SUCLG2: variants seen among roughly 807,000 people sequenced by gnomAD.
The protein encoded by SUCLG2 is succinate--CoA ligase [GDP-forming] subunit beta, mitochondrial.
In SUCLG2, 42 loss-of-function variants were observed where a neutral mutation model predicts 47.9. The observed-to-expected ratio is 0.88, with a 90% CI of 0.69 to 1.14. SUCLG2 has a LOEUF of 1.14. Ranked by LOEUF, SUCLG2 falls within the 50% of genes most tolerant of loss-of-function variation. The pLI, the probability that SUCLG2 is intolerant of heterozygous loss-of-function variation, is 0.00. For synonymous variants in SUCLG2, 195 were observed against 197.3 expected, an observed-to-expected ratio of 0.99 and a Z score of 0.10; for missense variants, 571 against 525.9, an observed-to-expected ratio of 1.09 and a Z score of -0.84.
chr3:67,616,619 A>G (rs897888772), intron 1 of SUCLG2, among the ~76,000 whole-genome samples: 2 of 152,212 alleles, frequency 1.3e-5, no homozygotes, highest in African/African-American at 4.8e-5. Context: ...AATCTACTTA[A>G]AAGCAACATT....
chr3:67,550,884 A>G (rs1382713444), intron 2 of SUCLG2, among the ~76,000 whole-genome samples: 1 of 148,898 alleles, frequency 6.7e-6, no homozygotes, highest in Non-Finnish European at 1.5e-5. Context: ...TTTAAGAGTT[A>G]CTATGAGTAT....
intron 2 of SUCLG2, among the ~76,000 whole-genome samples, chr3:67,558,813 A>G (rs1377131519): frequency 2.0e-5 from 3 of 152,202 alleles, no homozygotes; most frequent in Non-Finnish European, 4.4e-5. Context: ...CTGGAAACTC[A>G]GGCTGGTTTG....
chr3:67,473,280 G>T (rs984828395), intron 9 of SUCLG2, among the ~76,000 whole-genome samples: 3 of 152,152 alleles, frequency 2.0e-5, no homozygotes, highest in South Asian at 2.1e-4. Context: ...CCCGGACTAA[G>T]GTGTTTCTCC....
chr3:67,442,180 T>A (rs1703782924), intron 9 of SUCLG2, among the ~76,000 whole-genome samples: 1 of 150,562 alleles, frequency 6.6e-6, no homozygotes, highest in African/African-American at 2.4e-5. Flanking sequence ...CCGGCTAATT[T>A]TTTGTATTTT....
At chr3:67,522,142 C>T (rs1256430354) in intron 4 of SUCLG2, among the ~76,000 whole-genome samples, 2 of 151,888 alleles carry the variant, frequency 1.3e-5, no homozygotes, top group Non-Finnish European at 1.5e-5. Context: ...GCAGCCTTGA[C>T]CTCCCAGGTT....
chr3:67,381,159 A>G (rs1405512670), intron 10 of SUCLG2, among the ~76,000 whole-genome samples: 2 of 151,978 alleles, frequency 1.3e-5, no homozygotes, highest in Non-Finnish European at 2.9e-5. Context: ...CCTGGGCAAC[A>G]GAGTGAGACC....
intron 2 of SUCLG2, among the ~76,000 whole-genome samples, chr3:67,564,363 T>G (rs1707397125): frequency 6.6e-6 from 1 of 150,918 alleles, no homozygotes; most frequent in Non-Finnish European, 1.5e-5. Context: ...ACCTCACACT[T>G]TACCTTGACT....
At chr3:67,477,299 G>A (rs569374199) in intron 9 of SUCLG2, among the ~76,000 whole-genome samples, 6 of 152,060 alleles carry the variant, frequency 3.9e-5, no homozygotes, top group Non-Finnish European at 2.9e-5. Flanking sequence ...TCCACCATTT[G>A]GCTGACTTTT....
At chr3:67,592,361 G>C (rs985580861) in intron 2 of SUCLG2, among the ~76,000 whole-genome samples, 1 of 152,080 alleles carries the variant, frequency 6.6e-6, no homozygotes, top group Admixed American at 6.5e-5. Context: ...TGTGAATCCA[G>C]GCCTGGAAAC....
At chr3:67,578,413 AG>A (rs1156388603) in intron 2 of SUCLG2, among the ~76,000 whole-genome samples, 1 of 152,000 alleles carries the variant, frequency 6.6e-6, no homozygotes, top group Non-Finnish European at 1.5e-5. Flanking sequence ...ATAAGTACTT[AG>A]ACAAAATAAT....
intron 1 of SUCLG2, among the ~76,000 whole-genome samples, chr3:67,629,221 G>A (rs752171349): frequency 1.3e-5 from 2 of 152,154 alleles, no homozygotes; most frequent in African/African-American, 4.8e-5. Flanking sequence ...ACACCAACTG[G>A]TTGTCCAAAA....
At chr3:67,390,932 T>C (rs1049230987) in intron 10 of SUCLG2, among the ~76,000 whole-genome samples, 2 of 152,224 alleles carry the variant, frequency 1.3e-5, no homozygotes, top group Non-Finnish European at 2.9e-5. Flanking sequence ...GTCTCAGATA[T>C]GTCTGAAGAG....
intron 2 of SUCLG2, among the ~76,000 whole-genome samples, chr3:67,548,448 G>C (rs1276401626): frequency 2.0e-5 from 3 of 152,140 alleles, no homozygotes; most frequent in Non-Finnish European, 4.4e-5. Context: ...TAAGTTCCGT[G>C]CATCAGTACA....
chr3:67,611,798 T>G lies in SUCLG2; in HGVS notation c.85-2202A>C, dbSNP rs571163346. On this transcript the variant is annotated intron_variant, in intron 1 of 10. Coordinates refer to ENST00000307227, the MANE Select transcript of SUCLG2 (RefSeq NM_003848.4). ...GCAATCTGCTGGAAACTAATTGCAA[T>G]TGATCCAGAGGCCAGCTTCACAGAC... Among the ~76,000 whole-genome samples the G allele has an allele frequency of 2.2e-4, 33 of 152,300 alleles. No homozygotes were observed. The South Asian group carries it at 6.6e-3, about 31-fold the overall frequency.
chr3:67,379,780 C>A (rs568742928), intron 10 of SUCLG2, among the ~76,000 whole-genome samples: 2 of 152,320 alleles, frequency 1.3e-5, no homozygotes, highest in African/African-American at 4.8e-5. Context: ...AATGGTATTT[C>A]TTTGGGGATA....
At position 67,383,631 on chromosome 3, in the gene SUCLG2, C is replaced by T. The variant is rs111991361; in HGVS notation, c.1184-7772G>A. On this transcript the variant is annotated intron_variant, in intron 10 of 10. Transcript: ENST00000307227. ...GCAGGAAGCCAATGGCTAAGTTCTT[C>T]TCTACACGGTTTCAAAGAATGGTGT... Among the ~76,000 whole-genome samples the T allele has an allele frequency of 3.3e-5, 5 of 152,260 alleles. 1 individual carries two copies. Among genetic ancestry groups the T allele is most frequent in the African/African-American group, 1.2e-4 (5 of 41,548 alleles).
intron 7 of SUCLG2, among the ~76,000 whole-genome samples, chr3:67,502,202 T>C (rs1559549740): frequency 6.6e-6 from 1 of 152,210 alleles, no homozygotes; most frequent in East Asian, 1.9e-4. Context: ...CAGAGATTAG[T>C]CAGTGTTGGA....
chr3:67,364,336 CT>C (rs1701847733), intron 10 of SUCLG2, among the ~76,000 whole-genome samples: 2 of 152,106 alleles, frequency 1.3e-5, no homozygotes, highest in Non-Finnish European at 2.9e-5. Context: ...GGAGCCTGGC[CT>C]TCCACCCCTG....
chr3:67,436,938 A>C (rs111321604), intron 9 of SUCLG2, among the ~76,000 whole-genome samples: 8 of 140,986 alleles, frequency 5.7e-5, no homozygotes, highest in African/African-American at 1.6e-4. Flanking sequence ...CTTTTCTTTT[A>C]TTTATTGTTT....
Sources: allele counts gnomAD v4.1 joint callset (sites outside exome capture counted in the v4.1 genomes callset), GRCh38; gene constraint gnomAD v4.1.1; transcripts MANE v1.5; gene names NCBI Gene and HGNC (gene_info 2026-07-23, HGNC 2026-07-21).